Variants in CAST observed in about 807,000 individuals in gnomAD.
CAST encodes calpastatin.
Under a neutral mutation model 119.6 loss-of-function variants are expected in CAST, and 76 were observed. The ratio of observed to expected loss-of-function variants is 0.64; its 90% CI spans 0.53 to 0.77. The LOEUF (loss-of-function observed/expected upper bound fraction) is 0.77, where lower values mean the gene tolerates loss of function less well. Among genes scored for constraint, CAST ranks in the 30% least tolerant of loss-of-function variants. The pLI is 0.00. For synonymous variants in CAST, 319 were observed against 331.6 expected (o/e 0.96, Z 0.41); for missense variants, 953 against 946.5 (o/e 1.01, Z -0.09).
At chr5:95,981,308 T>G in the CAST span, among the ~76,000 whole-genome samples, 1 of 152,228 alleles carries the variant, frequency 6.6e-6, no homozygotes, top group African/African-American at 2.4e-5. Context: ...CTGAACTGGT[T>G]GTACACCACT....
intron 4 of CAST, among the ~76,000 whole-genome samples, chr5:96,724,375 G>T (rs1758863069): frequency 6.6e-6 from 1 of 151,896 alleles, no homozygotes; most frequent in South Asian, 2.1e-4. Context: ...AGAGACAGGG[G>T]TCTTGCTATG....
the CAST span, among the ~76,000 whole-genome samples, chr5:96,264,747 G>C: frequency 6.6e-6 from 1 of 152,146 alleles, no homozygotes; most frequent in Non-Finnish European, 1.5e-5. Flanking sequence ...ACATTAGTTA[G>C]TTTCATCTGT....
At chr5:96,320,130 C>T in the CAST span, among the ~76,000 whole-genome samples, 101 of 151,608 alleles carry the variant, frequency 6.7e-4, 1 homozygote, top group Admixed American at 1.6e-3. Flanking sequence ...CATGAGGGCT[C>T]TGCAGTAACT....
chr5:96,064,294 G>A, the CAST span, among the ~76,000 whole-genome samples: 4,926 of 152,210 alleles, frequency 0.032, 279 homozygotes, highest in African/African-American at 0.11. Context: ...TAAGAGTGAA[G>A]GTTGAATAGA....
chr5:96,364,205 C>G, the CAST span, among the ~76,000 whole-genome samples: 18 of 152,078 alleles, frequency 1.2e-4, no homozygotes, highest in Non-Finnish European at 5.9e-5. Flanking sequence ...GGTGAATAAG[C>G]CTTTTGATGT....
At chr5:96,505,090 CAT>C in the CAST span, among the ~76,000 whole-genome samples, 17 of 152,262 alleles carry the variant, frequency 1.1e-4, no homozygotes, top group African/African-American at 4.1e-4. Flanking sequence ...TGTGTGGACA[CAT>C]GTTTACATTT....
At chr5:96,208,001 A>G in the CAST span, among the ~76,000 whole-genome samples, 2 of 151,916 alleles carry the variant, frequency 1.3e-5, no homozygotes, top group Non-Finnish European at 2.9e-5. Flanking sequence ...CCAGGTTTGA[A>G]TTGCTTCCTG....
At chr5:96,277,693 T>C in the CAST span, among the ~76,000 whole-genome samples, 2 of 151,748 alleles carry the variant, frequency 1.3e-5, no homozygotes, top group Non-Finnish European at 2.9e-5. Context: ...ACTAAAGGGA[T>C]GTGAGTGTGT....
the CAST span, among the ~76,000 whole-genome samples, chr5:96,336,901 A>G: frequency 6.6e-6 from 1 of 152,178 alleles, no homozygotes; most frequent in Non-Finnish European, 1.5e-5. Flanking sequence ...AAAACTGTGA[A>G]TCACCAGAAA....
At chr5:96,413,987 AAATT>A in the CAST span, among the ~76,000 whole-genome samples, 2 of 147,000 alleles carry the variant, frequency 1.4e-5, no homozygotes, top group African/African-American at 5.2e-5. Flanking sequence ...AAAAAAAAAA[AAATT>A]AGCCGGGCGT....
chr5:96,748,940 T>G (rs1581254282), intron 19 of CAST, among the ~76,000 whole-genome samples: 1 of 152,188 alleles, frequency 6.6e-6, no homozygotes, highest in Non-Finnish European at 1.5e-5. Context: ...GTCTCCTTCA[T>G]GTCCGCCGGA....
At chr5:96,077,151 T>G in the CAST span, among the ~76,000 whole-genome samples, 1 of 152,000 alleles carries the variant, frequency 6.6e-6, no homozygotes, top group Admixed American at 6.6e-5. Context: ...AAGTATATTT[T>G]AGAAATGTAA....
chr5:96,743,579 C>T (rs891047108), intron 16 of CAST: 16 of 1,591,928 alleles, frequency 1.0e-5, no homozygotes, highest in African/African-American at 1.4e-5. Context: ...GGGGAGTCTC[C>T]CTGACTTCCA....
At chr5:96,612,368 G>A (rs537744190) in intron 1 of CAST, among the ~76,000 whole-genome samples, 25 of 152,158 alleles carry the variant, frequency 1.6e-4, no homozygotes, top group Non-Finnish European at 3.7e-4. Flanking sequence ...TTATAAGTGA[G>A]AGCTAAACAT....
chr5:96,220,415 G>T, the CAST span, among the ~76,000 whole-genome samples: 1 of 152,248 alleles, frequency 6.6e-6, no homozygotes, highest in East Asian at 1.9e-4. Context: ...ATGTTAACAT[G>T]ACCATGGTAA....
the CAST span, among the ~76,000 whole-genome samples, chr5:96,387,240 A>G: frequency 2.0e-5 from 3 of 152,164 alleles, no homozygotes; most frequent in African/African-American, 7.2e-5. Context: ...CCCTTTAATG[A>G]TTAGAATAGT....
At chr5:96,341,740 A>C in the CAST span, among the ~76,000 whole-genome samples, 1 of 152,184 alleles carries the variant, frequency 6.6e-6, no homozygotes, top group Non-Finnish European at 1.5e-5. Context: ...AAACAATAAA[A>C]TATTATTGAA....
the CAST span, chr5:96,318,831 G>A: frequency 2.0e-5 from 3 of 152,176 alleles, no homozygotes; most frequent in African/African-American, 4.8e-5. Context: ...TTCCTCTTCT[G>A]GAAAATGACA....
chr5:96,541,936 C>T (rs1412850052), intron 1 of CAST, among the ~76,000 whole-genome samples: 2 of 152,192 alleles, frequency 1.3e-5, no homozygotes, highest in East Asian at 3.8e-4. Context: ...GATTCATGTG[C>T]GTGTTTTTGT....
Sources: allele counts gnomAD v4.1 joint callset (sites outside exome capture counted in the v4.1 genomes callset), GRCh38; gene constraint gnomAD v4.1.1; transcripts MANE v1.5; gene names NCBI Gene and HGNC (gene_info 2026-07-23, HGNC 2026-07-21).